CDH8: variants seen among roughly 807,000 people sequenced by gnomAD.
CDH8 encodes the protein cadherin-8.
CDH8 carries 17 observed loss-of-function variants against 68.1 expected under a neutral mutation model. That is an observed-to-expected ratio of 0.25 (90% CI 0.17 to 0.37). The LOEUF (loss-of-function observed/expected upper bound fraction) is 0.37, where lower values mean the gene tolerates loss of function less well. Among genes scored for constraint, CDH8 ranks in the 10% least tolerant of loss-of-function variants. The pLI is 1.00. For missense variants in CDH8, 763 were observed against 999.3 expected, an observed-to-expected ratio of 0.76 and a Z score of 3.19; for synonymous variants, 372 against 365.1, an observed-to-expected ratio of 1.02 and a Z score of -0.21.
chr16:61,807,574 T>C lies in CDH8; in HGVS notation c.1277+9905A>G, dbSNP rs561823699. Among the ~76,000 whole-genome samples the C allele has an allele frequency of 6.7e-4, 102 of 152,332 alleles. 1 individual carries two copies. Among genetic ancestry groups the C allele is most frequent in the African/African-American group, 2.2e-3 (93 of 41,576 alleles). The stretch of plus-strand genomic sequence containing the variant: ...AGAGTTTCAGTGTGCGTATCCATTA[T>C]AGACATGAAGAACTGCTGTGCAGAT... On this transcript the variant is annotated intron_variant, in intron 7 of 11. Coordinates refer to ENST00000577390, the MANE Select transcript of CDH8 (RefSeq NM_001796.5).
intron 9 of CDH8, among the ~76,000 whole-genome samples, chr16:61,721,530 T>A (rs1368792435): frequency 6.6e-6 from 1 of 150,964 alleles, no homozygotes; most frequent in Non-Finnish European, 1.5e-5. Context: ...CATTCATTGC[T>A]AGTGTTTATC....
At chr16:61,761,567 G>C (rs8057630) in intron 8 of CDH8, among the ~76,000 whole-genome samples, 23,981 of 151,996 alleles carry the variant, frequency 0.16, 3,084 homozygotes, top group African/African-American at 0.36. Context: ...GGATCACCTG[G>C]GAAGCTTCAA....
chr16:62,017,150 T>C (rs961636385), intron 2 of CDH8, among the ~76,000 whole-genome samples: 2 of 152,186 alleles, frequency 1.3e-5, no homozygotes, highest in African/African-American at 4.8e-5. Context: ...GCAGTTCCTA[T>C]ATGCAGGCAG....
At chr16:61,738,166 C>T (rs1195317715) in intron 8 of CDH8, among the ~76,000 whole-genome samples, 1 of 152,078 alleles carries the variant, frequency 6.6e-6, no homozygotes, top group East Asian at 1.9e-4. Flanking sequence ...CTTAAACTCC[C>T]TGGAGAAAGT....
intron 7 of CDH8, among the ~76,000 whole-genome samples, chr16:61,796,838 C>T (rs1596975710): frequency 6.6e-6 from 1 of 152,112 alleles, no homozygotes; most frequent in Middle Eastern, 3.4e-3. Context: ...GCCAATGTCA[C>T]CAGTTCATTC....
At chr16:61,837,968 A>T (rs1455361475) in intron 4 of CDH8, among the ~76,000 whole-genome samples, 2 of 152,116 alleles carry the variant, frequency 1.3e-5, no homozygotes, top group Admixed American at 6.6e-5. Context: ...CACTTAGAAC[A>T]GAAAGTGAGG....
intron 11 of CDH8, 23 bp downstream of exon 11, chr16:61,655,447 T>C (rs2142738527): frequency 1.9e-6 from 3 of 1,613,192 alleles, no homozygotes; most frequent in East Asian, 2.2e-5. Context: ...GGGTGACCGG[T>C]AGGCTATGAA....
intron 8 of CDH8, among the ~76,000 whole-genome samples, chr16:61,745,730 C>A: frequency 6.6e-6 from 1 of 151,822 alleles, no homozygotes; most frequent in East Asian, 1.9e-4. Flanking sequence ...TGTCTTTGGG[C>A]AAAGTATCCA....
chr16:61,900,580 A>G (rs1963951330), intron 3 of CDH8, among the ~76,000 whole-genome samples: 1 of 152,200 alleles, frequency 6.6e-6, no homozygotes, highest in African/African-American at 2.4e-5. Flanking sequence ...CTGCTCTGTA[A>G]TATGTGATGG....
chr16:61,821,075 C>A lies in CDH8; in HGVS notation c.874G>T (p.Gly292Cys). ...GCCTTCACCCTTCCTATTGCAGTGC[C>A]AAGAACCACATCTTCCGGTACTGAG... The part of the protein sequence containing the change: ...HFSVPEDVVL[G>C]TAIGRVKAND... The change falls in exon 6 of 12, where the codon GGC (glycine) becomes TGC (cysteine). Residue 292 changes from glycine to cysteine, a missense_variant. Gly to Cys is a radical substitution (Grantham distance 159, BLOSUM62 -3). Coordinates refer to ENST00000577390, the MANE Select transcript of CDH8 (RefSeq NM_001796.5). 2.5e-6 allele frequency: 4 copies of A among 1,612,490 alleles called. No individual in the cohort carries two copies. Among genetic ancestry groups the A allele is most frequent in the Non-Finnish European group, 3.4e-6 (4 of 1,179,056 alleles).
rs1157896173 is a variant in CDH8 at position 61,960,112 on chromosome 16, T to C, written c.253-58639A>G. Among the ~76,000 whole-genome samples, 7 of 117,436 alleles carry C rather than the reference T, an allele frequency of 6.0e-5. 1 individual carries two copies. Among genetic ancestry groups the C allele is most frequent in the African/African-American group, 1.9e-4 (5 of 25,862 alleles). 77.0% of individuals were successfully genotyped at this position (117,436 alleles called of 152,430 possible). ...ATGTGTGTGTGTATACACATACATA[T>C]ATACATATGTGTGTGTGTATACACA... On this transcript the variant is annotated intron_variant, in intron 2 of 11. Coordinates refer to ENST00000577390, the MANE Select transcript of CDH8 (RefSeq NM_001796.5).
At chr16:61,915,152 T>A (rs763540149) in intron 2 of CDH8, among the ~76,000 whole-genome samples, 6 of 152,188 alleles carry the variant, frequency 3.9e-5, no homozygotes, top group Non-Finnish European at 5.9e-5. Context: ...TTTTCGATGT[T>A]TTCTAGCTCA....
At chr16:61,675,446 T>C (rs1963883911) in intron 10 of CDH8, among the ~76,000 whole-genome samples, 1 of 76,510 alleles carries the variant, frequency 1.3e-5, no homozygotes, top group Non-Finnish European at 2.4e-5. Context: ...CTGGGGACTG[T>C]GGTGGGGTGG....
intron 8 of CDH8, among the ~76,000 whole-genome samples, chr16:61,748,007 A>G (rs1960065386): frequency 6.6e-6 from 1 of 152,042 alleles, no homozygotes; most frequent in Non-Finnish European, 1.5e-5. Context: ...TTTTTCCATC[A>G]AGGCATTGGA....
At chr16:61,953,232 A>G (rs1436661018) in intron 2 of CDH8, among the ~76,000 whole-genome samples, 2 of 152,190 alleles carry the variant, frequency 1.3e-5, no homozygotes, top group East Asian at 3.9e-4. Context: ...ATGGACTAAG[A>G]CAGAGCTCAA....
chr16:61,917,986 T>C (rs1964274162), intron 2 of CDH8, among the ~76,000 whole-genome samples: 1 of 141,010 alleles, frequency 7.1e-6, no homozygotes, highest in Admixed American at 7.1e-5. Flanking sequence ...TTTTTTTTTT[T>C]TACCGTACTG....
intron 4 of CDH8, among the ~76,000 whole-genome samples, chr16:61,833,197 T>A (rs1196051044): frequency 6.6e-6 from 1 of 151,476 alleles, no homozygotes; most frequent in Non-Finnish European, 1.5e-5. Context: ...TTCTACATTA[T>A]ATATGTATAA....
intron 10 of CDH8, among the ~76,000 whole-genome samples, chr16:61,660,421 A>G (rs1301956666): frequency 2.0e-5 from 3 of 152,048 alleles, no homozygotes; most frequent in Non-Finnish European, 4.4e-5. Context: ...TAAAGAATAG[A>G]GAGAAAAAAA....
At chr16:61,811,451 G>A (rs1451952543) in intron 7 of CDH8, among the ~76,000 whole-genome samples, 2 of 152,126 alleles carry the variant, frequency 1.3e-5, no homozygotes, top group East Asian at 3.9e-4. Flanking sequence ...CTGTTGGTGG[G>A]AATGCAAAAT....
Sources: gnomAD v4.1 joint callset for allele counts (sites outside exome capture counted in the v4.1 genomes callset) on GRCh38, gnomAD v4.1.1 for gene constraint, MANE v1.5 for transcripts, NCBI Gene and HGNC (gene_info 2026-07-23, HGNC 2026-07-21) for gene names.